GPR153: variants seen among roughly 807,000 people sequenced by gnomAD.
GPR153 encodes probable G protein-coupled receptor 153.
A neutral mutation model predicts 34.1 loss-of-function variants in GPR153; 27 were observed. That is an observed-to-expected ratio of 0.79 (90% CI 0.58 to 1.09). The LOEUF (loss-of-function observed/expected upper bound fraction) is 1.09. GPR153 is among the 50% of genes least tolerant of loss of function. The probability of loss-of-function intolerance (pLI) is 0.00; values close to 1 mark genes in which losing one functional copy is unlikely to be tolerated. For synonymous variants in GPR153, 408 were observed against 405.4 expected (o/e 1.01, Z -0.08); for missense variants, 848 against 860.2 (o/e 0.99, Z 0.18).
At chr1:6,259,722 A>G (rs1162219263) in intron 1 of GPR153, among the ~76,000 whole-genome samples, 1 of 152,118 alleles carries the variant, frequency 6.6e-6, no homozygotes, top group Non-Finnish European at 1.5e-5. Context: ...ACCGGGTTCC[A>G]AGTGCAGAGT....
In GPR153 at chr1:6,249,691, A is replaced by AGCGGGGGCCGGGCCCGGG; in HGVS notation, c.1459_1476dup (p.Pro487_Arg492dup). Reference sequence around the variant, plus strand: ...TCGGGCAGCAGCGAGGCCGAGGCGGAGCGGGGGCCGGGCCCGGGGCGGCGG... The same window carrying AGCGGGGGCCGGGCCCGGG: ...TCGGGCAGCAGCGAGGCCGAGGCGGAGCGGGGGCCGGGCCCGGGGCGGGGGCCGGGCCCGGGGCGGCGG... On this transcript the variant is annotated inframe_insertion, in exon 6 of 6. Coordinates refer to ENST00000377893, the MANE Select transcript of GPR153 (RefSeq NM_207370.4). This position sits in a 1 kb window ranked among gnomAD's most constrained non-coding sequence, Gnocchi z 4.3. 2 of 1,046,104 alleles carry AGCGGGGGCCGGGCCCGGG rather than the reference A, an allele frequency of 1.9e-6. No homozygotes were observed. The highest frequency in any genetic ancestry group is 2.3e-6 in the Non-Finnish European group (2 of 871,586). The allele number at this position is 1,046,104 out of a possible 1,614,324, so 64.8% of individuals were successfully genotyped here.
Position 6,251,706 on chromosome 1 carries a change from G to C in GPR153, c.787-176C>G. 1 of 290,458 alleles carries C rather than the reference G, an allele frequency of 3.4e-6. No individual in the cohort carries two copies. Among genetic ancestry groups the C allele is most frequent in the Non-Finnish European group, 5.1e-6 (1 of 194,730 alleles). The allele number at this position is 290,458 out of a possible 1,614,324, so 18.0% of individuals were successfully genotyped here. On this transcript the variant is annotated intron_variant, in intron 3 of 5. Coordinates refer to ENST00000377893, the MANE Select transcript of GPR153 (RefSeq NM_207370.4). This position sits in a 1 kb window ranked among gnomAD's most constrained non-coding sequence, Gnocchi z 4.9. The stretch of plus-strand genomic sequence containing the variant: ...GTGGCAGTGGGAGGCCCCGCCTTCC[G>C]GGAGCTACCTGGCTACTGGGCAGCA...
rs780795228 is a variant in GPR153 at position 6,250,468 on chromosome 1, A to C, written c.1136T>G (p.Leu379Trp). The C allele has an allele frequency of 5.4e-5, 87 of 1,607,670 alleles. No homozygotes were observed. Among genetic ancestry groups the C allele is most frequent in the Non-Finnish European group, 2.5e-5 (30 of 1,177,584 alleles). ...CAGGTATTGCATCTTGTCCTCCTGC[A>C]AGGGCCGCAGTGGGTAGAGCTGGGG... is the stretch of plus-strand genomic sequence containing the variant. ...GLPQLYPLRP[L>W]QEDKMQYLQV... Residue 379 changes from leucine (L) to tryptophan (W), a missense_variant, in exon 5 of 6, where the codon TTG becomes TGG. Physicochemically the swap from Leu to Trp is moderately conservative, Grantham distance 61. Coordinates refer to ENST00000377893, the MANE Select transcript of GPR153 (RefSeq NM_207370.4).
At position 6,249,904 on chromosome 1, in the gene GPR153, C is replaced by T. The variant is rs924167986; in HGVS notation, c.1264G>A (p.Ala422Thr). ...GGCAGCACCAGGTGCGCCAGGGCGGCCAGGTCCTCGCCGGAGCCCCAGCGC... is the reference window on the plus strand; with the variant it reads ...GGCAGCACCAGGTGCGCCAGGGCGGTCAGGTCCTCGCCGGAGCCCCAGCGC... ...LPRWGSGEDL[A>T]ALAHLVLPAG... Residue 422 changes from alanine to threonine, a missense_variant, in exon 6 of 6, where the codon GCC (alanine) becomes ACC (threonine). Physicochemically the swap from Ala to Thr is moderately conservative, Grantham distance 58. Coordinates refer to ENST00000377893, the MANE Select transcript of GPR153 (RefSeq NM_207370.4). The surrounding 1 kb of genome is among the most constrained non-coding windows in gnomAD (Gnocchi z 4.3). 6 of 1,293,686 alleles carry T rather than the reference C, an allele frequency of 4.6e-6. No homozygotes were observed. Among genetic ancestry groups the T allele is most frequent in the Non-Finnish European group, 9.8e-7 (1 of 1,017,306 alleles). The allele number at this position is 1,293,686 out of a possible 1,614,324, so 80.1% of individuals were successfully genotyped here. A position where few individuals can be genotyped will look rare whatever the true frequency, so the allele number is the denominator to read the frequency against.
chr1:6,257,952 C>G (rs566400320), intron 1 of GPR153, among the ~76,000 whole-genome samples: 6 of 152,332 alleles, frequency 3.9e-5, no homozygotes, highest in African/African-American at 1.4e-4. Flanking sequence ...CTCATTTGCT[C>G]TCTTTCTCAT....
Position 6,251,597 on chromosome 1 carries a change from C to G in GPR153, c.787-67G>C, listed in dbSNP as rs150806599. ...ACCATCACACAAGCTCCCCCTGAGT[C>G]TCGGTCTCCCCATGTGTACGGCAGG... On this transcript the variant is annotated intron_variant, in intron 3 of 5. Coordinates refer to ENST00000377893, the MANE Select transcript of GPR153 (RefSeq NM_207370.4). This position sits in a 1 kb window ranked among gnomAD's most constrained non-coding sequence, Gnocchi z 4.9. The G allele has an allele frequency of 1.1e-3, 1,571 of 1,460,368 alleles. 16 individuals are homozygous for G. The African/African-American group carries it at 0.019, about 17-fold the overall frequency. 90.5% of individuals were successfully genotyped at this position (1,460,368 alleles called of 1,614,324 possible).
chr1:6,255,873 T>G (rs1156450365), intron 1 of GPR153, among the ~76,000 whole-genome samples: 2 of 151,146 alleles, frequency 1.3e-5, no homozygotes, highest in African/African-American at 2.4e-5. Flanking sequence ...AGGCTGGTCT[T>G]GAACTCCTGA....
At chr1:6,252,994 C>T (rs1638482719) in intron 3 of GPR153, among the ~76,000 whole-genome samples, 2 of 152,212 alleles carry the variant, frequency 1.3e-5, no homozygotes, top group Non-Finnish European at 2.9e-5. Flanking sequence ...TCTCCTGATC[C>T]TGCGCCCCTA....
intron 3 of GPR153, among the ~76,000 whole-genome samples, chr1:6,253,445 T>A (rs907703085): frequency 2.0e-5 from 3 of 152,046 alleles, no homozygotes; most frequent in African/African-American, 7.2e-5. Context: ...AAAATGGGCC[T>A]TGGGCAAGGG....
chr1:6,257,525 C>T (rs114076019), intron 1 of GPR153, among the ~76,000 whole-genome samples: 2,711 of 152,308 alleles, frequency 0.018, 27 homozygotes, highest in Non-Finnish European at 0.025. Context: ...GCTTCTTCCG[C>T]GGGGAGGCTG....
intron 1 of GPR153, 48 bp from the exon 2 acceptor site, chr1:6,255,062 A>C: frequency 1.8e-6 from 1 of 555,410 alleles, no homozygotes; most frequent in South Asian, 2.6e-5. Flanking sequence ...CTCTGGCGAC[A>C]GCGTTGTAGC....
chr1:6,257,793 G>A (rs1333703853), intron 1 of GPR153, among the ~76,000 whole-genome samples: 1 of 152,226 alleles, frequency 6.6e-6, no homozygotes, highest in East Asian at 1.9e-4. Flanking sequence ...AGAGGGCTGG[G>A]CAGCGAGTCC....
At position 6,253,692 on chromosome 1, in the gene GPR153, C is replaced by A. The variant is rs781459922; in HGVS notation, c.786+26G>T. On this transcript the variant is annotated intron_variant, in intron 3 of 5. Coordinates refer to ENST00000377893, the MANE Select transcript of GPR153 (RefSeq NM_207370.4). ...GCCCCAGGGCTGTCCCAGAGACAGG[C>A]CCCTCTACCCGACGCCGTCACCCAC... 1.9e-5 allele frequency: 28 copies of A among 1,512,754 alleles called. No homozygotes were observed. In the South Asian group the frequency reaches 3.6e-4, roughly 20 times the overall value. 93.7% of individuals were successfully genotyped at this position (1,512,754 alleles called of 1,614,324 possible).
In GPR153 at chr1:6,249,295, G is replaced by A; in HGVS notation, c.*43C>T. On this transcript the variant is annotated 3_prime_UTR_variant, in exon 6 of 6. Coordinates refer to ENST00000377893, the MANE Select transcript of GPR153 (RefSeq NM_207370.4). This position sits in a 1 kb window ranked among gnomAD's most constrained non-coding sequence, Gnocchi z 4.3. ...GTCTTTGGTGCTGCGGCCCCGGAGA[G>A]CGGCCTGGCCTGCCTGGCGTCCGTG... 1 of 1,229,028 alleles carries A rather than the reference G, an allele frequency of 8.1e-7. No homozygotes were observed. Among genetic ancestry groups the A allele is most frequent in the Non-Finnish European group, 1.0e-6 (1 of 981,432 alleles). 76.1% of individuals were successfully genotyped at this position (1,229,028 alleles called of 1,614,324 possible). A position where few individuals can be genotyped will look rare whatever the true frequency, so the allele number is the denominator to read the frequency against.
intron 4 of GPR153, 149 bp from the exon 5 acceptor site, chr1:6,250,773 G>T: frequency 1.7e-6 from 1 of 581,528 alleles, no homozygotes. Flanking sequence ...GAATGGGAGG[G>T]GTTCTGGGTT....
chr1:6,252,757 G>C (rs1458949086), intron 3 of GPR153, among the ~76,000 whole-genome samples: 1 of 152,182 alleles, frequency 6.6e-6, no homozygotes, highest in Non-Finnish European at 1.5e-5. Flanking sequence ...TTTCGGGGAT[G>C]GGCGTAGAGT....
intron 5 of GPR153, 100 bp from the exon 6 acceptor site, chr1:6,250,103 C>T (rs1638407815): frequency 1.8e-5 from 24 of 1,302,398 alleles, no homozygotes; most frequent in Non-Finnish European, 2.3e-5. Flanking sequence ...GGTCAGGGAC[C>T]AGGCTGCGCG....
In GPR153 at chr1:6,253,843, C is replaced by A; in HGVS notation, c.661G>T (p.Asp221Tyr). The A allele has an allele frequency of 1.9e-6, 3 of 1,603,450 alleles. No individual in the cohort carries two copies. Among genetic ancestry groups the A allele is most frequent in the Non-Finnish European group, 2.6e-6 (3 of 1,172,746 alleles). Reference sequence around the variant, plus strand: ...GAGGAGCGCCGCTTGCCCTGCGCGTCCTCCACCACGATGGTGGGCACGGTG... The same window carrying A: ...GAGGAGCGCCGCTTGCCCTGCGCGTACTCCACCACGATGGTGGGCACGGTG... ...AFTVPTIVVE[D>Y]AQGKRRSSID... is the part of the protein sequence containing the mutation. Residue 221 changes from aspartate to tyrosine, a missense_variant, in exon 3 of 6, where the codon GAC becomes TAC. Coordinates refer to ENST00000377893, the MANE Select transcript of GPR153 (RefSeq NM_207370.4).
At position 6,254,606 on chromosome 1, in the gene GPR153, A is replaced by G. The variant is rs1328505094; in HGVS notation, c.300T>C (p.Ser100=). The G allele has an allele frequency of 1.9e-6, 3 of 1,607,978 alleles. No individual in the cohort carries two copies. Among genetic ancestry groups the G allele is most frequent in the East Asian group, 2.2e-5 (1 of 44,842 alleles). The change falls in exon 2 of 6, where the codon TCT becomes TCC. Residue 100 remains serine, a synonymous_variant. Transcript: ENST00000377893. ...FYTLTLATCF[S]VTSLSYHRMW... The stretch of plus-strand genomic sequence containing the variant: ...TGCGGTGGTAGGAGAGGGAGGTGAC[A>G]GAGAAACAGGTGGCCAGGGTGAGGG...
Sources: gnomAD v4.1 joint callset for allele counts (sites outside exome capture counted in the v4.1 genomes callset) on GRCh38, gnomAD v4.1.1 for gene constraint, Gnocchi (gnomAD v3.1) non-coding constraint, MANE v1.5 for transcripts, NCBI Gene and HGNC (gene_info 2026-07-23, HGNC 2026-07-21) for gene names.